The following VAT1L variants were observed in gnomAD, a reference collection of about 807,000 sequenced individuals.
VAT1L encodes putative NADPH-dependent quinone oxidoreductase VAT1L.
A neutral mutation model predicts 44.1 loss-of-function variants in VAT1L; 34 were observed. The ratio of observed to expected loss-of-function variants is 0.77; its 90% confidence interval spans 0.59 to 1.03. The LOEUF (loss-of-function observed/expected upper bound fraction) is 1.03, where lower values mean the gene tolerates loss of function less well. VAT1L is among the 50% of genes least tolerant of loss of function. The pLI, the probability that VAT1L is intolerant of heterozygous loss-of-function variation, is 0.00. For synonymous variants in VAT1L, 253 were observed against 202.2 expected (o/e 1.25, Z -2.13); for missense variants, 615 against 538.8 (o/e 1.14, Z -1.40).
chr16:77,927,239 G>A (rs1218158433), intron 7 of VAT1L, among the ~76,000 whole-genome samples: 1 of 151,730 alleles, frequency 6.6e-6, no homozygotes, highest in Non-Finnish European at 1.5e-5. Flanking sequence ...TCAGGAGGCT[G>A]AGGCAGGAGA....
At chr16:77,943,806 G>T (rs919313610) in intron 7 of VAT1L, among the ~76,000 whole-genome samples, 3 of 152,130 alleles carry the variant, frequency 2.0e-5, no homozygotes, top group African/African-American at 7.2e-5. Flanking sequence ...AGAGCATAGG[G>T]CTCTCACATA....
At chr16:77,861,432 C>T (rs546948052) in intron 3 of VAT1L, among the ~76,000 whole-genome samples, 2 of 152,356 alleles carry the variant, frequency 1.3e-5, no homozygotes, top group South Asian at 4.1e-4. Flanking sequence ...CTCCTAACTG[C>T]ATTTGTGATT....
At chr16:77,931,143 T>C (rs187869366) in intron 7 of VAT1L, among the ~76,000 whole-genome samples, 1 of 152,178 alleles carries the variant, frequency 6.6e-6, no homozygotes, top group East Asian at 1.9e-4. Flanking sequence ...CTTATTAGAT[T>C]GCCTCCTCGA....
chr16:77,890,267 G>A (rs79834824), intron 7 of VAT1L, among the ~76,000 whole-genome samples: 2,462 of 152,152 alleles, frequency 0.016, 68 homozygotes, highest in African/African-American at 0.057. Context: ...TATGGAGTGG[G>A]TGGGGTAGAG....
intron 1 of VAT1L, among the ~76,000 whole-genome samples, chr16:77,812,170 T>G (rs1241696220): frequency 2.6e-5 from 4 of 151,866 alleles, no homozygotes; most frequent in Admixed American, 1.3e-4. Context: ...CCTTCCAAGT[T>G]TAAGCGATTC....
In VAT1L at chr16:77,884,045, C is replaced by T. The variant is rs148116174; in HGVS notation, c.883-563C>T. 6.6e-6 allele frequency among the ~76,000 whole-genome samples: 1 copy of T among 152,180 alleles called. No homozygotes were observed. The highest frequency in any genetic ancestry group is 2.1e-4 in the South Asian group (1 of 4,828). On this transcript the variant is annotated intron_variant, in intron 6 of 8. Coordinates refer to ENST00000302536, the MANE Select transcript of VAT1L (RefSeq NM_020927.3). The surrounding 1 kb of genome is among the most constrained non-coding windows in gnomAD (Gnocchi z 4.5). ...GATCCTGACCATGTACTTAATATTTCAACTACATGTGGCCATGTAGTTAGT... is the reference window on the plus strand; with the variant it reads ...GATCCTGACCATGTACTTAATATTTTAACTACATGTGGCCATGTAGTTAGT...
intron 4 of VAT1L, 101 bp downstream of exon 4, chr16:77,862,991 A>T: frequency 1.4e-6 from 2 of 1,394,910 alleles, no homozygotes; most frequent in Non-Finnish European, 1.9e-6. Context: ...ATATGTAGCA[A>T]ACATATATTG....
chr16:77,977,833 G>A lies in VAT1L; in HGVS notation c.*138G>A. The A allele has an allele frequency of 1.2e-6, 1 of 827,416 alleles. No individual in the cohort carries two copies. The allele number at this position is 827,416 out of a possible 1,614,324, so 51.3% of individuals were successfully genotyped here. A position where few individuals can be genotyped will look rare whatever the true frequency, so the allele number is the denominator to read the frequency against. Reference sequence around the variant, plus strand: ...TGTCTGCAGTCAGCTGAGCTAAAAAGCTGTTGATCACTGTTGTTTTTTGAA... The same window carrying A: ...TGTCTGCAGTCAGCTGAGCTAAAAAACTGTTGATCACTGTTGTTTTTTGAA... On this transcript the variant is annotated 3_prime_UTR_variant, in exon 9 of 9. Coordinates refer to ENST00000302536, the MANE Select transcript of VAT1L (RefSeq NM_020927.3).
chr16:77,975,344 G>A (rs1356013847), intron 8 of VAT1L, among the ~76,000 whole-genome samples: 1 of 151,536 alleles, frequency 6.6e-6, no homozygotes, highest in African/African-American at 2.4e-5. Context: ...AGAATAGCTG[G>A]GATTAGAGGT....
intron 7 of VAT1L, among the ~76,000 whole-genome samples, chr16:77,893,144 A>T (rs1217452246): frequency 6.6e-6 from 1 of 152,218 alleles, no homozygotes; most frequent in Non-Finnish European, 1.5e-5. Flanking sequence ...AGCCTCTCCC[A>T]AAAGCAGGCT....
At chr16:77,898,969 T>C (rs1466613252) in intron 7 of VAT1L, among the ~76,000 whole-genome samples, 2 of 152,182 alleles carry the variant, frequency 1.3e-5, no homozygotes, top group African/African-American at 4.8e-5. Context: ...AGTGCCACGC[T>C]CCAGTTAGTC....
intron 1 of VAT1L, among the ~76,000 whole-genome samples, chr16:77,811,099 G>C (rs2016256428): frequency 6.6e-6 from 1 of 152,154 alleles, no homozygotes; most frequent in Admixed American, 6.5e-5. Context: ...GGAAGAGGGA[G>C]ATTTGTTTAA....
At chr16:77,938,529 G>T (rs1391613728) in intron 7 of VAT1L, among the ~76,000 whole-genome samples, 1 of 152,138 alleles carries the variant, frequency 6.6e-6, no homozygotes, top group Non-Finnish European at 1.5e-5. Context: ...GTACTGTACA[G>T]CGAGTTCTCA....
chr16:77,839,929 T>C (rs563131082), intron 3 of VAT1L, among the ~76,000 whole-genome samples: 9 of 152,354 alleles, frequency 5.9e-5, no homozygotes, highest in African/African-American at 2.2e-4. Context: ...TTTATGTCTA[T>C]GATGGCATAG....
At chr16:77,890,458 T>G (rs1434701615) in intron 7 of VAT1L, among the ~76,000 whole-genome samples, 4 of 152,038 alleles carry the variant, frequency 2.6e-5, no homozygotes, top group Non-Finnish European at 4.4e-5. Flanking sequence ...ATGACACCAT[T>G]TCATCTTCTC....
At chr16:77,902,732 T>G (rs12934212) in intron 7 of VAT1L, among the ~76,000 whole-genome samples, 247 of 106,464 alleles carry the variant, frequency 2.3e-3, no homozygotes, top group Middle Eastern at 0.013. Flanking sequence ...GATGGGGGGG[T>G]GGGGGGGGTG....
At chr16:77,889,510 A>G (rs1424289039) in intron 7 of VAT1L, among the ~76,000 whole-genome samples, 2 of 152,192 alleles carry the variant, frequency 1.3e-5, no homozygotes, top group African/African-American at 4.8e-5. Flanking sequence ...CTCTTTTAGG[A>G]TATTGAGTCT....
chr16:77,962,628 A>C (rs1371058963), intron 7 of VAT1L, among the ~76,000 whole-genome samples: 2 of 151,916 alleles, frequency 1.3e-5, no homozygotes, highest in Non-Finnish European at 2.9e-5. Context: ...CATGCCTGTA[A>C]TCCCAGCACA....
intron 3 of VAT1L, among the ~76,000 whole-genome samples, chr16:77,843,546 T>A (rs2016728482): frequency 6.6e-6 from 1 of 152,156 alleles, no homozygotes; most frequent in Non-Finnish European, 1.5e-5. Context: ...AAGCCAGGAT[T>A]TGAGTTGATT....
Sources: allele counts gnomAD v4.1 joint callset (sites outside exome capture counted in the v4.1 genomes callset), GRCh38; gene constraint gnomAD v4.1.1; non-coding constraint Gnocchi (gnomAD v3.1); transcripts MANE v1.5; gene names NCBI Gene and HGNC (gene_info 2026-07-23, HGNC 2026-07-21).